RAB7B: variants seen among roughly 807,000 people sequenced by gnomAD.
The protein encoded by RAB7B is RAB7B, member RAS oncogene family.
intron 5 of RAB7B, among the ~76,000 whole-genome samples, chr1:205,984,733 C>T (rs966643458): frequency 2.4e-4 from 37 of 152,188 alleles, no homozygotes; most frequent in Non-Finnish European, 3.8e-4. Context: ...GTCATTGCCC[C>T]TTTCTGTCAT....
intron 4 of RAB7B, among the ~76,000 whole-genome samples, chr1:205,988,944 G>T (rs1039836841): frequency 4.4e-4 from 67 of 152,212 alleles, no homozygotes; most frequent in Non-Finnish European, 9.0e-4. Flanking sequence ...CCCTCTTGGG[G>T]CTTTATAATC....
At chr1:205,982,738 A>G (rs1486485747) in intron 5 of RAB7B, among the ~76,000 whole-genome samples, 2 of 152,086 alleles carry the variant, frequency 1.3e-5, no homozygotes, top group Non-Finnish European at 2.9e-5. Context: ...TCCTTATTAT[A>G]GAAGCGCCTC....
Position 205,991,944 on chromosome 1 carries a change from C to T in RAB7B, c.396+536G>A, listed in dbSNP as rs954378612. 3.2e-3 allele frequency among the ~76,000 whole-genome samples: 484 copies of T among 152,306 alleles called. 5 individuals carry two copies. Among genetic ancestry groups the T allele is most frequent in the African/African-American group, 0.011 (462 of 41,560 alleles). ...CTGTCAAGTGGTTAACCCGATGGTCCGGAATATGCTTAAGCTAATACAAAA... is the reference window on the plus strand; with the variant it reads ...CTGTCAAGTGGTTAACCCGATGGTCTGGAATATGCTTAAGCTAATACAAAA... On this transcript the variant is annotated intron_variant, in intron 4 of 5. Coordinates refer to ENST00000617070, the MANE Select transcript of RAB7B (RefSeq NM_001164522.3).
chr1:206,002,572 G>T (rs1327635834), intron 1 of RAB7B, among the ~76,000 whole-genome samples: 1 of 152,190 alleles, frequency 6.6e-6, no homozygotes, highest in African/African-American at 2.4e-5. Context: ...GGACCTTTGT[G>T]GTGGGAGATT....
chr1:205,992,084 C>T (rs1660730836), intron 4 of RAB7B, among the ~76,000 whole-genome samples: 1 of 152,164 alleles, frequency 6.6e-6, no homozygotes. Flanking sequence ...CTGTGACCTC[C>T]CTCCTGCCTA....
chr1:205,979,549 C>A (rs1411052755), intron 5 of RAB7B, among the ~76,000 whole-genome samples: 5 of 152,122 alleles, frequency 3.3e-5, no homozygotes, highest in African/African-American at 4.8e-5. Flanking sequence ...AGCCTGCCCC[C>A]CCTCCCCAGT....
At chr1:206,002,920 AG>A (rs1206665400) in intron 1 of RAB7B, among the ~76,000 whole-genome samples, 1 of 152,188 alleles carries the variant, frequency 6.6e-6, no homozygotes, top group Non-Finnish European at 1.5e-5. Context: ...GCCCTCATGC[AG>A]GGCTCTAGTT....
At position 205,978,668 on chromosome 1, in the gene RAB7B, G is replaced by A. The variant is rs1373124399; in HGVS notation, c.*183C>T. 2.6e-6 allele frequency: 1 copy of A among 390,142 alleles called. No individual in the cohort carries two copies. The highest frequency in any genetic ancestry group is 2.1e-5 in the African/African-American group (1 of 48,418). 24.2% of individuals were successfully genotyped at this position (390,142 alleles called of 1,614,324 possible). A position where few individuals can be genotyped will look rare whatever the true frequency, so the allele number is the denominator to read the frequency against. On this transcript the variant is annotated 3_prime_UTR_variant, in exon 6 of 6. Coordinates refer to ENST00000617070, the MANE Select transcript of RAB7B (RefSeq NM_001164522.3). Reference sequence around the variant, plus strand: ...TCTCACTATACTCAGCCTGAGCCAGGGGCTGCCCTCTGACTCTGGGCCCAG... The same window carrying A: ...TCTCACTATACTCAGCCTGAGCCAGAGGCTGCCCTCTGACTCTGGGCCCAG...
chr1:206,002,565 C>T (rs924815957), intron 1 of RAB7B, among the ~76,000 whole-genome samples: 27 of 152,306 alleles, frequency 1.8e-4, no homozygotes, highest in African/African-American at 6.3e-4. Context: ...CTCCGTGGGA[C>T]CTTTGTGGTG....
intron 5 of RAB7B, among the ~76,000 whole-genome samples, chr1:205,984,892 C>A (rs1660562126): frequency 6.6e-6 from 1 of 152,060 alleles, no homozygotes; most frequent in Non-Finnish European, 1.5e-5. Context: ...CTCCTCCCTG[C>A]CTCCTCCCAG....
rs1195188140 is a variant in RAB7B, at chr1:205,993,516, A to G, written c.84T>C (p.Tyr28=). The G allele has an allele frequency of 5.0e-6, 2 of 398,480 alleles. No homozygotes were observed. Among genetic ancestry groups the G allele is most frequent in the Non-Finnish European group, 8.8e-6 (2 of 226,080 alleles). 24.7% of individuals were successfully genotyped at this position (398,480 alleles called of 1,614,324 possible). A position where few individuals can be genotyped will look rare whatever the true frequency, so the allele number is the denominator to read the frequency against. ...GVGKTSLLHQ[Y]VHKTFYEEYQ... is the part of the protein sequence containing the mutation. ...ATTCCTCATAAAACGTCTTGTGCAC[A>G]TATTGGTGAAGGAGGGAGGTCTTTC... The change falls in exon 3 of 6, where the codon TAT becomes TAC. Residue 28 remains tyrosine, a synonymous_variant. Transcript: ENST00000617070.
rs1660403250 is a variant in RAB7B, at chr1:205,977,489, G to A, written c.*1362C>T. 6.6e-6 allele frequency: 1 copy of A among 152,170 alleles called. No individual in the cohort carries two copies. Among genetic ancestry groups the A allele is most frequent in the Non-Finnish European group, 1.5e-5 (1 of 68,036 alleles). 9.4% of individuals were successfully genotyped at this position (152,170 alleles called of 1,614,324 possible). The stretch of plus-strand genomic sequence containing the variant: ...CTCCAAGCCCATGAACAAGCTTTGA[G>A]CATCTGAAGGACAAAACCCCAGCTC... On this transcript the variant is annotated 3_prime_UTR_variant, in exon 6 of 6. Coordinates refer to ENST00000617070, the MANE Select transcript of RAB7B (RefSeq NM_001164522.3).
rs1409413363 is a variant in RAB7B, at chr1:205,992,570, C to T, written c.306G>A (p.Trp102Ter). Residue 102 changes from tryptophan to a stop codon, truncating the protein, a stop_gained, in exon 4 of 6, where the codon TGG becomes TGA. Transcript: ENST00000617070. LOFTEE classifies it high-confidence loss of function. ...CAATCTTGGCCAGGACATCACCCCG[C>T]CAGATATCCAGGGCTTCAAAAGACT... Reference protein sequence around the residue: ...DLESFEALDIWRGDVLAKIVP... With the variant: ...DLESFEALDI The T allele has an allele frequency of 2.5e-6, 1 of 398,636 alleles. No individual in the cohort carries two copies. The highest frequency in any genetic ancestry group is 4.4e-6 in the Non-Finnish European group (1 of 226,142). 24.7% of individuals were successfully genotyped at this position (398,636 alleles called of 1,614,324 possible).
At chr1:205,995,265 TA>T (rs1483300136) in intron 1 of RAB7B, among the ~76,000 whole-genome samples, 4 of 151,174 alleles carry the variant, frequency 2.6e-5, no homozygotes, top group Non-Finnish European at 5.9e-5. Context: ...AATAATAACT[TA>T]AAAAAAAACA....
chr1:205,990,787 C>T (rs1660707926), intron 4 of RAB7B, among the ~76,000 whole-genome samples: 1 of 23,784 alleles, frequency 4.2e-5, no homozygotes, highest in Non-Finnish European at 7.8e-5. Context: ...CTTTTTCTTT[C>T]TTTCTTTTTT....
chr1:205,987,931 A>AT (rs1660642147), intron 4 of RAB7B, among the ~76,000 whole-genome samples: 2 of 152,028 alleles, frequency 1.3e-5, no homozygotes, highest in South Asian at 4.1e-4. Flanking sequence ...TTTTGGAGAG[A>AT]TGGGGGTCTC....
rs1380894823 is a variant in RAB7B at position 205,988,280 on chromosome 1, G to C, written c.397-2615C>G. On this transcript the variant is annotated intron_variant, in intron 4 of 5. Coordinates refer to ENST00000617070, the MANE Select transcript of RAB7B (RefSeq NM_001164522.3). ...GTCTTGCTCTGTCGCCCAGGCTGGA[G>C]CACAGTGGTGTGATCTTGGCTCACT... Among the ~76,000 whole-genome samples the C allele has an allele frequency of 2.8e-3, 405 of 143,822 alleles. 2 individuals are homozygous for C. Among genetic ancestry groups the C allele is most frequent in the Admixed American group, 7.9e-3 (110 of 13,918 alleles). The allele number at this position is 143,822 out of a possible 152,430, so 94.4% of individuals were successfully genotyped here.
chr1:205,988,756 G>A (rs1409940612), intron 4 of RAB7B, among the ~76,000 whole-genome samples: 1 of 152,202 alleles, frequency 6.6e-6, no homozygotes, highest in Non-Finnish European at 1.5e-5. Context: ...GGAGGCACAT[G>A]GACCAGGTGG....
chr1:205,990,472 C>T (rs1392060968), intron 4 of RAB7B, among the ~76,000 whole-genome samples: 2 of 152,328 alleles, frequency 1.3e-5, no homozygotes, highest in Middle Eastern at 3.4e-3. Flanking sequence ...ACCAGCTACC[C>T]TTGTCCCCCA....
Sources: gnomAD v4.1 joint callset for allele counts (sites outside exome capture counted in the v4.1 genomes callset) on GRCh38, gnomAD v4.1.1 for gene constraint, MANE v1.5 for transcripts, NCBI Gene and HGNC (gene_info 2026-07-23, HGNC 2026-07-21) for gene names.